Variants in DDX4 observed in about 807,000 individuals in gnomAD.
DDX4 encodes the protein DEAD-box helicase 4.
A neutral mutation model predicts 100.0 loss-of-function variants in DDX4; 25 were observed. The ratio of observed to expected loss-of-function variants is 0.25; its 90% CI spans 0.18 to 0.35. The LOEUF (loss-of-function observed/expected upper bound fraction) is 0.35, where lower values mean the gene tolerates loss of function less well. Among genes scored for constraint, DDX4 ranks in the 10% least tolerant of loss-of-function variants. The pLI, the probability that DDX4 is intolerant of heterozygous loss-of-function variation, is 1.00. For synonymous variants in DDX4, 259 were observed against 275.7 expected, an observed-to-expected ratio of 0.94 and a Z score of 0.60; for missense variants, 635 against 882.4, an observed-to-expected ratio of 0.72 and a Z score of 3.55.
chr5:55,791,972 A>G (rs138937588), intron 16 of DDX4, among the ~76,000 whole-genome samples: 1,556 of 152,024 alleles, frequency 0.01, 36 homozygotes, highest in African/African-American at 0.036. Flanking sequence ...ACACACACAA[A>G]AATTAGCCAG....
At chr5:55,815,281 T>C in intron 20 of DDX4, 32 bp from the exon 21 acceptor site, 3 of 1,599,680 alleles carry the variant, frequency 1.9e-6, no homozygotes, top group African/African-American at 2.7e-5. Flanking sequence ...TTTAATACTT[T>C]ATGTTGCATA....
chr5:55,785,690 C>A, intron 12 of DDX4, 39 bp from the exon 13 acceptor site: 1 of 1,559,940 alleles, frequency 6.4e-7, no homozygotes, highest in Non-Finnish European at 8.8e-7. Context: ...TTCTTGTAGT[C>A]TCTGTAACGT....
At chr5:55,802,975 T>G (rs1335276337) in intron 18 of DDX4, among the ~76,000 whole-genome samples, 1 of 152,208 alleles carries the variant, frequency 6.6e-6, no homozygotes, top group Non-Finnish European at 1.5e-5. Context: ...TTATATACTT[T>G]TTTAGGGTAC....
At chr5:55,774,339 A>C (rs1012899023) in intron 7 of DDX4, among the ~76,000 whole-genome samples, 1 of 151,768 alleles carries the variant, frequency 6.6e-6, no homozygotes, top group Non-Finnish European at 1.5e-5. Context: ...TTTTGTAGGG[A>C]TGGGGTCTCA....
intron 4 of DDX4, among the ~76,000 whole-genome samples, chr5:55,762,302 G>A (rs568496249): frequency 6.6e-6 from 1 of 151,918 alleles, no homozygotes; most frequent in Admixed American, 6.6e-5. Flanking sequence ...TTAAATAATC[G>A]TTCTTGCTAT....
chr5:55,779,106 A>G (rs972279801), intron 7 of DDX4, among the ~76,000 whole-genome samples: 3 of 152,190 alleles, frequency 2.0e-5, no homozygotes, highest in Non-Finnish European at 4.4e-5. Flanking sequence ...ATGGGCTGCA[A>G]ATATGTTGGA....
chr5:55,796,292 C>G (rs1175315996), intron 17 of DDX4, among the ~76,000 whole-genome samples: 2 of 152,192 alleles, frequency 1.3e-5, no homozygotes. Flanking sequence ...CACTGGCCAT[C>G]TAGGCATCCC....
At chr5:55,750,008 A>T (rs955135734) in intron 3 of DDX4, among the ~76,000 whole-genome samples, 1 of 151,980 alleles carries the variant, frequency 6.6e-6, no homozygotes, top group Non-Finnish European at 1.5e-5. Flanking sequence ...ACTTTTAATC[A>T]CACTAGAAAA....
At chr5:55,806,443 C>A (rs1743727035) in intron 18 of DDX4, among the ~76,000 whole-genome samples, 1 of 152,150 alleles carries the variant, frequency 6.6e-6, no homozygotes, top group South Asian at 2.1e-4. Flanking sequence ...ATCTTTCCTG[C>A]TTTCTCTTGT....
chr5:55,783,388 T>C (rs1404637420), intron 10 of DDX4, among the ~76,000 whole-genome samples: 1 of 151,880 alleles, frequency 6.6e-6, no homozygotes, highest in East Asian at 1.9e-4. Flanking sequence ...AGTTCACATA[T>C]AAAAAATGTT....
At chr5:55,790,935 T>TA (rs1742525827) in intron 16 of DDX4, among the ~76,000 whole-genome samples, 1 of 152,214 alleles carries the variant, frequency 6.6e-6, no homozygotes, top group Non-Finnish European at 1.5e-5. Context: ...TAATTTATTT[T>TA]AAAAATCCCT....
chr5:55,751,179 A>G (rs527735926), intron 3 of DDX4, among the ~76,000 whole-genome samples: 2 of 152,308 alleles, frequency 1.3e-5, no homozygotes, highest in South Asian at 4.1e-4. Flanking sequence ...AACATTTGAC[A>G]TTTTTAATTT....
At chr5:55,787,298 G>A (rs3804270) in intron 14 of DDX4, among the ~76,000 whole-genome samples, 47,535 of 152,010 alleles carry the variant, frequency 0.31, 8,156 homozygotes, top group East Asian at 0.44. Context: ...AGTGTTAAAC[G>A]TGGTTTTGGA....
At chr5:55,812,768 C>A (rs1042444375) in intron 18 of DDX4, among the ~76,000 whole-genome samples, 1 of 152,090 alleles carries the variant, frequency 6.6e-6, no homozygotes, top group Non-Finnish European at 1.5e-5. Context: ...CTAAAGTAAT[C>A]ATCTCTGGAC....
At chr5:55,770,257 G>A (rs1167217013) in intron 7 of DDX4, among the ~76,000 whole-genome samples, 1 of 152,154 alleles carries the variant, frequency 6.6e-6, no homozygotes, top group African/African-American at 2.4e-5. Context: ...TACAGAAGAG[G>A]GACAATGTGA....
At chr5:55,768,547 T>C (rs75747809) in intron 7 of DDX4, among the ~76,000 whole-genome samples, 10,465 of 152,244 alleles carry the variant, frequency 0.069, 559 homozygotes, top group African/African-American at 0.15. Flanking sequence ...TTTAGGTTGA[T>C]TTCTGTGTTT....
chr5:55,780,570 G>A (rs904665948), intron 8 of DDX4, among the ~76,000 whole-genome samples: 7 of 152,200 alleles, frequency 4.6e-5, no homozygotes, highest in African/African-American at 1.4e-4. Flanking sequence ...TAATAGATGC[G>A]TAGCAGACTA....
chr5:55,786,576 A>T lies in DDX4; in HGVS notation c.923A>T (p.Tyr308Phe). Residue 308 changes from tyrosine to phenylalanine, a missense_variant, in exon 14 of 22, where the codon TAT becomes TTT. Tyr to Phe is a conservative substitution (Grantham distance 22, BLOSUM62 3). This residue lies in a region of DDX4 where 446 missense variants were observed against 540.8 expected (regional missense o/e 0.82). Coordinates refer to ENST00000505374, the MANE Select transcript of DDX4 (RefSeq NM_024415.3). ...TLNNNIAKAGYTKLTPVQKYS... is the reference protein window; with the variant it reads ...TLNNNIAKAGFTKLTPVQKYS... ...AATAACAACATTGCTAAAGCTGGTTATACTAAGCTTACTCCTGTGCAAAAA... is the reference window on the plus strand; with the variant it reads ...AATAACAACATTGCTAAAGCTGGTTTTACTAAGCTTACTCCTGTGCAAAAA... 1 of 1,613,112 alleles carries T rather than the reference A, an allele frequency of 6.2e-7. No homozygotes were observed. The highest frequency in any genetic ancestry group is 8.5e-7 in the Non-Finnish European group (1 of 1,179,080).
At chr5:55,768,229 C>T (rs1478844037) in intron 7 of DDX4, 2 of 374,542 alleles carry the variant, frequency 5.3e-6, no homozygotes, top group African/African-American at 4.1e-5. Context: ...TTTTGTCACC[C>T]AGATAATAAG....
Sources: gnomAD v4.1 joint callset for allele counts (sites outside exome capture counted in the v4.1 genomes callset) on GRCh38, gnomAD v4.1.1 for gene constraint, gnomAD v4.1.1 regional missense constraint, MANE v1.5 for transcripts, NCBI Gene and HGNC (gene_info 2026-07-23, HGNC 2026-07-21) for gene names.